PRKCE: variants seen among roughly 807,000 people sequenced by gnomAD.
PRKCE encodes protein kinase C epsilon type.
Under a neutral mutation model 85.4 loss-of-function variants are expected in PRKCE, and 16 were observed. That is an observed-to-expected ratio of 0.19 (90% CI 0.13 to 0.28). The LOEUF is 0.28. Ranked by LOEUF, PRKCE falls within the 10% of genes least tolerant of loss-of-function variation. The pLI, the probability that PRKCE is intolerant of heterozygous loss-of-function variation, is 1.00. For missense variants in PRKCE, 573 were observed against 975.2 expected (o/e 0.59, Z 5.49); for synonymous variants, 388 against 371.5 (o/e 1.04, Z -0.51).
intron 10 of PRKCE, among the ~76,000 whole-genome samples, chr2:46,084,825 G>A (rs534614299): frequency 7.9e-5 from 12 of 151,482 alleles, no homozygotes; most frequent in Admixed American, 3.3e-4. Flanking sequence ...CAGTTTACTG[G>A]CCCCTAAACT....
At chr2:46,012,599 G>A (rs1213749132) in intron 10 of PRKCE, among the ~76,000 whole-genome samples, 1 of 152,132 alleles carries the variant, frequency 6.6e-6, no homozygotes, top group East Asian at 1.9e-4. Context: ...GAGCCACTCT[G>A]GCAAGTTTTC....
At position 45,774,946 on chromosome 2, in the gene PRKCE, G is replaced by A. The variant is rs963805542; in HGVS notation, c.349-68054G>A. ...GGTGAAGGAAGTTGTTTTTCTTAAT[G>A]GTAAACAGGATAGTAAAATGACAAT... On this transcript the variant is annotated intron_variant, in intron 1 of 14. Coordinates refer to ENST00000306156, the MANE Select transcript of PRKCE (RefSeq NM_005400.3). The surrounding 1 kb of genome is among the most constrained non-coding windows in gnomAD (Gnocchi z 4.3). 2.0e-5 allele frequency among the ~76,000 whole-genome samples: 3 copies of A among 150,372 alleles called. No individual in the cohort carries two copies. The highest frequency in any genetic ancestry group is 7.2e-5 in the African/African-American group (3 of 41,408).
At chr2:45,941,018 A>T (rs1206066335) in intron 2 of PRKCE, among the ~76,000 whole-genome samples, 1 of 144,526 alleles carries the variant, frequency 6.9e-6, no homozygotes, top group Non-Finnish European at 1.5e-5. Flanking sequence ...GTGAGCCAAG[A>T]TCATGCCACT....
At chr2:45,819,789 G>A (rs1196177917) in intron 1 of PRKCE, among the ~76,000 whole-genome samples, 1 of 152,204 alleles carries the variant, frequency 6.6e-6, no homozygotes. Flanking sequence ...GGAATGTAAA[G>A]CAATCATATT....
rs1553382461 is a variant in PRKCE, at chr2:45,703,020, T to TC, written c.348+50572_348+50573insC. ...TCAAGTTTTCTTGAGAAAGCCTTTTTTCCCCCCCCGTCAGGAAGTCAGTCC... is the reference window on the plus strand; with the variant it reads ...TCAAGTTTTCTTGAGAAAGCCTTTTTCTCCCCCCCCGTCAGGAAGTCAGTCC... On this transcript the variant is annotated intron_variant, in intron 1 of 14. Transcript: ENST00000306156. 4.7e-3 allele frequency among the ~76,000 whole-genome samples: 565 copies of TC among 121,016 alleles called. 4 individuals are homozygous for TC. The highest frequency in any genetic ancestry group is 0.018 in the South Asian group (61 of 3,302). The allele number at this position is 121,016 out of a possible 152,430, so 79.4% of individuals were successfully genotyped here. A position where few individuals can be genotyped will look rare whatever the true frequency, so the allele number is the denominator to read the frequency against.
At chr2:45,968,392 T>C (rs1701876839) in intron 2 of PRKCE, among the ~76,000 whole-genome samples, 1 of 152,168 alleles carries the variant, frequency 6.6e-6, no homozygotes, top group South Asian at 2.1e-4. Context: ...AACCAAAGAC[T>C]GCATGTTCTC....
rs778321011 is a variant in PRKCE at position 46,155,922 on chromosome 2, G to A, written c.1921-3684G>A. On this transcript the variant is annotated intron_variant, in intron 13 of 14. Coordinates refer to ENST00000306156, the MANE Select transcript of PRKCE (RefSeq NM_005400.3). This position sits in a 1 kb window ranked among gnomAD's most constrained non-coding sequence, Gnocchi z 4.7. The stretch of plus-strand genomic sequence containing the variant: ...GTCTATCAGAGTGATCTCTTAGTGG[G>A]TGCAGCGCACCAGCATGGCACATGT... Among the ~76,000 whole-genome samples, 14 of 151,674 alleles carry A rather than the reference G, an allele frequency of 9.2e-5. No individual in the cohort carries two copies. Among genetic ancestry groups the A allele is most frequent in the Non-Finnish European group, 1.8e-4 (12 of 67,978 alleles).
Position 45,712,357 on chromosome 2 carries a change from A to G in PRKCE, c.348+59909A>G, listed in dbSNP as rs1366849158. On this transcript the variant is annotated intron_variant, in intron 1 of 14. Coordinates refer to ENST00000306156, the MANE Select transcript of PRKCE (RefSeq NM_005400.3). ...TTTAGTAGAGACGAGGGTTCCCCAT[A>G]TTGGCCAGGCTGGTCTCGAACTTCT... 2.0e-5 allele frequency among the ~76,000 whole-genome samples: 3 copies of G among 151,102 alleles called. No individual in the cohort carries two copies. In the East Asian group the frequency reaches 5.9e-4, roughly 30 times the overall value.
chr2:45,871,629 A>T (rs553139211), intron 2 of PRKCE, among the ~76,000 whole-genome samples: 2 of 152,324 alleles, frequency 1.3e-5, no homozygotes, highest in East Asian at 3.9e-4. Flanking sequence ...TAAACAGCTG[A>T]AGGGTTTACA....
intron 1 of PRKCE, among the ~76,000 whole-genome samples, chr2:45,819,028 G>A (rs1377305104): frequency 6.6e-6 from 1 of 152,176 alleles, no homozygotes; most frequent in Non-Finnish European, 1.5e-5. Flanking sequence ...TCCTGAGACA[G>A]GAAGCTTGGT....
chr2:46,176,282 G>A (rs961133897), intron 14 of PRKCE, among the ~76,000 whole-genome samples: 13 of 152,138 alleles, frequency 8.5e-5, no homozygotes, highest in African/African-American at 2.9e-4. Flanking sequence ...CAGTTCAACA[G>A]AATCCCTAGA....
At chr2:45,980,042 A>G (rs1203880006) in intron 4 of PRKCE, among the ~76,000 whole-genome samples, 4 of 152,186 alleles carry the variant, frequency 2.6e-5, no homozygotes, top group Non-Finnish European at 2.9e-5. Context: ...TACTCCCTCA[A>G]CTGGAGAAAA....
chr2:46,084,349 C>T (rs1669377067), intron 10 of PRKCE, among the ~76,000 whole-genome samples: 1 of 152,104 alleles, frequency 6.6e-6, no homozygotes, highest in African/African-American at 2.4e-5. Context: ...TAAAGAAGCT[C>T]ATTGGTAAAT....
chr2:46,038,267 G>T lies in PRKCE; in HGVS notation c.1437+27750G>T, dbSNP rs181139535. Among the ~76,000 whole-genome samples, 627 of 152,250 alleles carry T rather than the reference G, an allele frequency of 4.1e-3. 3 individuals are homozygous for T. Among genetic ancestry groups the T allele is most frequent in the Non-Finnish European group, 7.0e-3 (477 of 68,022 alleles). On this transcript the variant is annotated intron_variant, in intron 10 of 14. Transcript: ENST00000306156. ...CAAACGCCACACTATTGCAGTTAGG[G>T]AAGACAGGAGAGCAAATGTCAGGTC...
At chr2:46,115,189 C>G (rs1361540029) in intron 11 of PRKCE, among the ~76,000 whole-genome samples, 1 of 152,196 alleles carries the variant, frequency 6.6e-6, no homozygotes, top group East Asian at 1.9e-4. Flanking sequence ...TCACAAGTAT[C>G]AACTGTGCAA....
At chr2:45,696,683 C>A (rs968901890) in intron 1 of PRKCE, among the ~76,000 whole-genome samples, 2 of 152,182 alleles carry the variant, frequency 1.3e-5, no homozygotes, top group Non-Finnish European at 2.9e-5. Flanking sequence ...GGCCCAGAAA[C>A]CTGATTCTCA....
intron 1 of PRKCE, among the ~76,000 whole-genome samples, chr2:45,715,472 C>T (rs1034731142): frequency 6.6e-6 from 1 of 152,220 alleles, no homozygotes; most frequent in African/African-American, 2.4e-5. Context: ...ATTTTGGCTT[C>T]TCCTGTTGGA....
intron 2 of PRKCE, among the ~76,000 whole-genome samples, chr2:45,934,306 T>C (rs1412618379): frequency 6.6e-6 from 1 of 152,226 alleles, no homozygotes; most frequent in Admixed American, 6.5e-5. Flanking sequence ...AAAGTTTCTA[T>C]TAAGACTAAG....
At chr2:45,830,188 C>G (rs1690299407) in intron 1 of PRKCE, among the ~76,000 whole-genome samples, 1 of 151,856 alleles carries the variant, frequency 6.6e-6, no homozygotes, top group African/African-American at 2.4e-5. Flanking sequence ...AAACCAATTT[C>G]TCATTCAGGG....
Sources: allele counts gnomAD v4.1 joint callset (sites outside exome capture counted in the v4.1 genomes callset), GRCh38; gene constraint gnomAD v4.1.1; non-coding constraint Gnocchi (gnomAD v3.1); transcripts MANE v1.5; gene names NCBI Gene and HGNC (gene_info 2026-07-23, HGNC 2026-07-21).